The following USP9X variants were observed in gnomAD, a reference collection of about 807,000 sequenced individuals.
USP9X encodes the protein ubiquitin specific peptidase 9 X-linked, also known as ubiquitin carboxyl-terminal hydrolase 9X.
USP9X carries 7 observed loss-of-function variants against 190.3 expected under a neutral mutation model. The ratio of observed to expected loss-of-function variants is 0.04; its 90% CI spans 0.02 to 0.07. The LOEUF (loss-of-function observed/expected upper bound fraction) is 0.07. Ranked by LOEUF, USP9X falls within the 10% of genes least tolerant of loss-of-function variation. The pLI is 1.00. For missense variants in USP9X, 1,010 were observed against 1,916.9 expected, an observed-to-expected ratio of 0.53 and a Z score of 8.83; for synonymous variants, 645 against 659.5, an observed-to-expected ratio of 0.98 and a Z score of 0.34.
intron 1 of USP9X, among the ~76,000 whole-genome samples, chrX:41,098,582 G>A (rs183048773): frequency 1.8e-3 from 198 of 110,343 alleles, no homozygotes; most frequent in Admixed American, 2.8e-3. Flanking sequence ...TTTTGAGATG[G>A]AGTCTTGCTC....
At chrX:41,123,862 G>C in intron 2 of USP9X, 138 bp downstream of exon 2, 1 of 530,886 alleles carries the variant, frequency 1.9e-6, no homozygotes, top group Non-Finnish European at 3.0e-6. Flanking sequence ...GGTCAACAGG[G>C]TGGAACCCTG....
At chrX:41,193,226 G>T (rs1445565667) in intron 26 of USP9X, among the ~76,000 whole-genome samples, 3 of 111,335 alleles carry the variant, frequency 2.7e-5, no homozygotes, top group Non-Finnish European at 3.8e-5. Context: ...TGAAGACATT[G>T]ACCCTAAGTG....
chrX:41,093,891 T>A (rs951563806), intron 1 of USP9X, among the ~76,000 whole-genome samples: 5 of 111,919 alleles, frequency 4.5e-5, no homozygotes, highest in Non-Finnish European at 9.4e-5. Flanking sequence ...CCTAAAAAGG[T>A]GACTGTCGTT....
chrX:41,212,459 T>TAAAAAAAAAAAAAAAAAAAAATAAA (rs10658085), intron 33 of USP9X, among the ~76,000 whole-genome samples: 1 of 66,713 alleles, frequency 1.5e-5, no homozygotes, highest in African/African-American at 6.1e-5. Context: ...AATGATCAAT[T>TAAAAAAAAAAAAAAAAAAAAATAAA]AAAAAAAAAA....
At chrX:41,227,132 G>A (rs1207757928) in intron 41 of USP9X, among the ~76,000 whole-genome samples, 3 of 111,950 alleles carry the variant, frequency 2.7e-5, no homozygotes, top group African/African-American at 6.5e-5. Flanking sequence ...TGGCCCAAAC[G>A]TGAAAATAAT....
intron 32 of USP9X, 54 bp from the exon 33 acceptor site, chrX:41,210,455 C>T: frequency 8.8e-7 from 1 of 1,133,040 alleles, no homozygotes; most frequent in Non-Finnish European, 1.2e-6. Flanking sequence ...TATAGTTGTA[C>T]ATATTGTTCT....
chrX:41,231,359 A>C (rs1284005683), intron 44 of USP9X, among the ~76,000 whole-genome samples: 1 of 112,133 alleles, frequency 8.9e-6, no homozygotes, highest in East Asian at 2.8e-4. Context: ...ATTCTTTCTT[A>C]CATTTCACTG....
intron 4 of USP9X, 100 bp from the exon 5 acceptor site, chrX:41,134,625 G>C: frequency 1.6e-6 from 1 of 634,020 alleles, no homozygotes; most frequent in Non-Finnish European, 2.4e-6. Context: ...AGCTGTCGGT[G>C]AAGTTTCCAG....
chrX:41,140,909 T>G, intron 7 of USP9X, 57 bp from the exon 8 acceptor site: 2 of 1,121,605 alleles, frequency 1.8e-6, no homozygotes, highest in South Asian at 4.5e-5. Flanking sequence ...AATTTAGTCC[T>G]AAATTGATTT....
chrX:41,231,853 A>G (rs1039125720), intron 44 of USP9X, among the ~76,000 whole-genome samples: 9 of 111,782 alleles, frequency 8.1e-5, no homozygotes, highest in Non-Finnish European at 1.7e-4. Context: ...ATCCACAAGG[A>G]AGGTTAACTT....
At chrX:41,113,479 A>G (rs747299004) in intron 1 of USP9X, among the ~76,000 whole-genome samples, 75 of 112,046 alleles carry the variant, frequency 6.7e-4, no homozygotes, top group African/African-American at 2.3e-3. Context: ...GGTTACAGGC[A>G]TGAGCCACCG....
intron 3 of USP9X, among the ~76,000 whole-genome samples, 170 bp from the exon 4 acceptor site, chrX:41,131,287 C>T (rs1023956278): frequency 9.0e-6 from 1 of 110,969 alleles, no homozygotes; most frequent in Admixed American, 9.6e-5. Flanking sequence ...TCAGGTGGTG[C>T]TTAGTCCCAC....
Position 41,223,213 on chromosome X carries a change from G to A in USP9X, c.6566-4G>A. 8.3e-7 allele frequency: 1 copy of A among 1,204,168 alleles called. No homozygotes were observed. The highest frequency in any genetic ancestry group is 1.8e-5 in the South Asian group (1 of 55,394). ...CTTCTCCCCTTCACTCCTTTTTGTT[G>A]TAGGTGTGGCAGAGAAGACACAGCT... On this transcript the variant is annotated splice_region_variant and splice_polypyrimidine_tract_variant and intron_variant, in intron 38 of 44. Transcript: ENST00000378308.
intron 1 of USP9X, among the ~76,000 whole-genome samples, chrX:41,120,183 G>A (rs2062179449): frequency 1.8e-5 from 2 of 111,348 alleles, no homozygotes; most frequent in African/African-American, 3.3e-5. Flanking sequence ...GCAGGCTAGT[G>A]TAGCATTTAA....
chrX:41,103,415 AG>A (rs1166551334), intron 1 of USP9X, among the ~76,000 whole-genome samples: 1 of 112,195 alleles, frequency 8.9e-6, no homozygotes, highest in Non-Finnish European at 1.9e-5. Context: ...TACTTATGTT[AG>A]CTTAATAATG....
intron 32 of USP9X, among the ~76,000 whole-genome samples, chrX:41,209,628 G>A (rs2063141555): frequency 9.0e-6 from 1 of 111,610 alleles, no homozygotes. Context: ...GTTGAATATG[G>A]TTTGAAAGTA....
In USP9X at chrX:41,085,947, C is replaced by T. The variant is rs2061906644; in HGVS notation, c.-321C>T. ...AGCCTTTTGGTTGAGACGCCCGCAG[C>T]CCCGAGCCCGGCCGCCGCAGCCTTT... On this transcript the variant is annotated 5_prime_UTR_variant, in exon 1 of 45. Coordinates refer to ENST00000378308, the MANE Select transcript of USP9X (RefSeq NM_001039591.3). The T allele has an allele frequency of 6.8e-6, 2 of 296,019 alleles. No individual in the cohort carries two copies. The highest frequency in any genetic ancestry group is 1.2e-5 in the Non-Finnish European group (2 of 170,065). The allele number at this position is 296,019 out of a possible 1,213,427, so 24.4% of individuals were successfully genotyped here.
At position 41,118,890 on chromosome X, in the gene USP9X, C is replaced by T. The variant is rs147218780; in HGVS notation, c.-158-4581C>T. Among the ~76,000 whole-genome samples the T allele has an allele frequency of 1.7e-3, 193 of 111,178 alleles. 5 individuals carry two copies. The East Asian group carries it at 0.046, about 27-fold the overall frequency. On this transcript the variant is annotated intron_variant, in intron 1 of 44. Coordinates refer to ENST00000378308, the MANE Select transcript of USP9X (RefSeq NM_001039591.3). ...CCCCTTTCCTTGGAAGAGAAGTGGA[C>T]GGGAAACCTGGAGTCCAGGATTATA...
At chrX:41,165,802 G>T in intron 15 of USP9X, 70 bp from the exon 16 acceptor site, 1 of 840,465 alleles carries the variant, frequency 1.2e-6, no homozygotes, top group Non-Finnish European at 1.7e-6. Flanking sequence ...GTATTTTATA[G>T]GTAATACAGA....
Sources: allele counts gnomAD v4.1 joint callset (sites outside exome capture counted in the v4.1 genomes callset), GRCh38; gene constraint gnomAD v4.1.1; transcripts MANE v1.5; gene names NCBI Gene and HGNC (gene_info 2026-07-23, HGNC 2026-07-21).